Variants in RBFOX1 observed in about 807,000 individuals in gnomAD.
The protein encoded by RBFOX1 is RNA binding protein fox-1 homolog 1.
Under a neutral mutation model 57.7 loss-of-function variants are expected in RBFOX1, and 8 were observed. That is an observed-to-expected ratio of 0.14 (90% CI 0.08 to 0.25). The LOEUF is 0.25. Ranked by LOEUF, RBFOX1 falls within the 10% of genes least tolerant of loss-of-function variation. The pLI, the probability that RBFOX1 is intolerant of heterozygous loss-of-function variation, is 1.00. For synonymous variants in RBFOX1, 326 were observed against 222.4 expected (o/e 1.47, Z -4.15); for missense variants, 611 against 548.5 (o/e 1.11, Z -1.14).
chr16:5,707,974 C>T (rs1333622714), intron 3 of RBFOX1, among the ~76,000 whole-genome samples: 4 of 152,152 alleles, frequency 2.6e-5, no homozygotes, highest in South Asian at 4.1e-4. Context: ...CCATAATACT[C>T]ATCTCAGGTG....
At chr16:6,884,849 G>C (rs1296525661) in intron 3 of RBFOX1, among the ~76,000 whole-genome samples, 1 of 152,292 alleles carries the variant, frequency 6.6e-6, no homozygotes, top group South Asian at 2.1e-4. Flanking sequence ...AGTCAGCCCA[G>C]AGTGCTCCAC....
At chr16:6,753,023 AATTT>A (rs1198520952) in intron 3 of RBFOX1, among the ~76,000 whole-genome samples, 1 of 152,196 alleles carries the variant, frequency 6.6e-6, no homozygotes, top group Non-Finnish European at 1.5e-5. Context: ...CAAATTTCAA[AATTT>A]ATTGTAACTT....
chr16:7,566,346 G>A (rs1386485817), intron 5 of RBFOX1, among the ~76,000 whole-genome samples: 2 of 152,082 alleles, frequency 1.3e-5, no homozygotes, highest in Non-Finnish European at 2.9e-5. Context: ...TAGAACATAG[G>A]CAGTTAGGGT....
At chr16:6,179,572 C>T (rs190891297) in intron 1 of RBFOX1, among the ~76,000 whole-genome samples, 227 of 152,178 alleles carry the variant, frequency 1.5e-3, no homozygotes, top group African/African-American at 3.5e-3. Context: ...GACTGTGGTC[C>T]GCAGCCCACT....
intron 1 of RBFOX1, among the ~76,000 whole-genome samples, chr16:5,456,966 G>T (rs1218529995): frequency 6.6e-6 from 1 of 152,110 alleles, no homozygotes; most frequent in East Asian, 1.9e-4. Context: ...TAACAAATAT[G>T]GGTGAAGTGG....
intron 1 of RBFOX1, among the ~76,000 whole-genome samples, chr16:6,127,195 G>T (rs2096596030): frequency 6.6e-6 from 1 of 151,854 alleles, no homozygotes; most frequent in Admixed American, 6.6e-5. Flanking sequence ...GTAATGAGGA[G>T]GACTGCCCTA....
intron 3 of RBFOX1, among the ~76,000 whole-genome samples, chr16:6,694,887 G>C (rs2060787674): frequency 2.0e-5 from 3 of 151,938 alleles, no homozygotes; most frequent in Admixed American, 2.0e-4. Flanking sequence ...GCAACACACA[G>C]AAGACAGCAT....
chr16:6,126,437 AACTCTGTGAAGTAGAT>A (rs1234640108), intron 1 of RBFOX1, among the ~76,000 whole-genome samples: 1 of 152,106 alleles, frequency 6.6e-6, no homozygotes, highest in Non-Finnish European at 1.5e-5. Context: ...TAAATTTTAC[AACTCTGTGAAGTAGAT>A]ACTTCCAGTG....
intron 3 of RBFOX1, among the ~76,000 whole-genome samples, chr16:6,880,062 A>C (rs1184021725): frequency 6.6e-6 from 1 of 152,112 alleles, no homozygotes; most frequent in Non-Finnish European, 1.5e-5. Flanking sequence ...TTTCCTCCAG[A>C]TTCAACTCCT....
intron 2 of RBFOX1, among the ~76,000 whole-genome samples, chr16:5,480,805 G>A (rs1164609922): frequency 1.3e-5 from 2 of 152,198 alleles, no homozygotes; most frequent in Non-Finnish European, 2.9e-5. Context: ...TGCATAATAT[G>A]TCACCAAGTG....
intron 1 of RBFOX1, among the ~76,000 whole-genome samples, chr16:6,033,730 G>A (rs974678280): frequency 1.1e-4 from 17 of 152,206 alleles, no homozygotes; most frequent in South Asian, 6.2e-4. Flanking sequence ...TTTTTGAAGC[G>A]CTACATGGAA....
At chr16:7,070,189 C>T (rs999615058) in intron 4 of RBFOX1, among the ~76,000 whole-genome samples, 6 of 152,300 alleles carry the variant, frequency 3.9e-5, no homozygotes, top group Non-Finnish European at 7.3e-5. Context: ...ACTGAGCGAT[C>T]AGAGCACGAG....
chr16:5,944,453 C>T (rs894023839), intron 4 of RBFOX1, among the ~76,000 whole-genome samples: 3 of 152,076 alleles, frequency 2.0e-5, no homozygotes, highest in Admixed American at 1.3e-4. Context: ...TAGCTTTTCT[C>T]AGGCAGGTAT....
intron 3 of RBFOX1, among the ~76,000 whole-genome samples, chr16:7,049,396 C>G (rs1259127417): frequency 1.3e-5 from 2 of 152,046 alleles, no homozygotes; most frequent in African/African-American, 4.8e-5. Context: ...TACATGAACA[C>G]TACCCTGAGA....
chr16:5,940,527 G>T (rs930257214), intron 4 of RBFOX1, among the ~76,000 whole-genome samples: 1 of 152,168 alleles, frequency 6.6e-6, no homozygotes, highest in African/African-American at 2.4e-5. Context: ...GATCCTCACA[G>T]GGAGGTTTGT....
intron 3 of RBFOX1, among the ~76,000 whole-genome samples, chr16:5,712,210 A>T (rs922293889): frequency 1.3e-5 from 2 of 152,172 alleles, no homozygotes; most frequent in Admixed American, 1.3e-4. Flanking sequence ...CTTCTTCAAC[A>T]CCTCAACACC....
intron 3 of RBFOX1, among the ~76,000 whole-genome samples, chr16:7,019,048 T>G (rs2094068686): frequency 6.6e-6 from 1 of 152,088 alleles, no homozygotes; most frequent in Non-Finnish European, 1.5e-5. Flanking sequence ...TGTTCCTGGT[T>G]TCCTAGTTTT....
At chr16:7,188,817 C>A (rs2084584006) in intron 4 of RBFOX1, among the ~76,000 whole-genome samples, 1 of 152,150 alleles carries the variant, frequency 6.6e-6, no homozygotes, top group African/African-American at 2.4e-5. Context: ...CAAAGAATGA[C>A]ATTGAGTTGG....
chr16:5,999,509 C>A (rs754883052), intron 4 of RBFOX1, among the ~76,000 whole-genome samples: 1 of 152,122 alleles, frequency 6.6e-6, no homozygotes, highest in Non-Finnish European at 1.5e-5. Context: ...CATGCTAAGG[C>A]TTTATAAAGA....
Sources: allele counts gnomAD v4.1 joint callset (sites outside exome capture counted in the v4.1 genomes callset), GRCh38; gene constraint gnomAD v4.1.1; transcripts MANE v1.5; gene names NCBI Gene and HGNC (gene_info 2026-07-23, HGNC 2026-07-21).